Variants in USP9Y observed in about 807,000 individuals in gnomAD.
USP9Y encodes ubiquitin carboxyl-terminal hydrolase 9Y.
USP9Y carries 41 observed loss-of-function variants against 53.1 expected under a neutral mutation model. The ratio of observed to expected loss-of-function variants is 0.77; its 90% CI spans 0.60 to 1.00. USP9Y has a LOEUF of 1.00. Ranked by LOEUF, USP9Y falls within the 50% of genes least tolerant of loss-of-function variation. USP9Y has a pLI of 0.00. For missense variants in USP9Y, 567 were observed against 535.8 expected (o/e 1.06, Z -0.58); for synonymous variants, 220 against 173.7 (o/e 1.27, Z -2.09).
At chrY:12,828,351 A>G (rs1000027311) in intron 33 of USP9Y, among the ~76,000 whole-genome samples, 7 of 34,026 alleles carry the variant, frequency 2.1e-4, no homozygotes, top group African/African-American at 6.8e-4. Flanking sequence ...TGTTAAAGAC[A>G]ATACCTGATG....
intron 22 of USP9Y, among the ~76,000 whole-genome samples, chrY:12,784,866 G>A (rs2053500426): frequency 3.0e-5 from 1 of 33,166 alleles, no homozygotes; most frequent in Non-Finnish European, 7.5e-5. Flanking sequence ...AACCACAGAA[G>A]AATTTATCAA....
chrY:12,854,556 C>G, intron 42 of USP9Y, among the ~76,000 whole-genome samples: 1 of 33,273 alleles, frequency 3.0e-5, no homozygotes, highest in African/African-American at 1.2e-4. Flanking sequence ...GTGCATGCCA[C>G]CACGCCCAGC....
rs369255095 is a variant in USP9Y at position 12,705,761 on chromosome Y, A to G, written c.-120-2873A>G. Among the ~76,000 whole-genome samples, 4 of 33,174 alleles carry G rather than the reference A, an allele frequency of 1.2e-4. No individual in the cohort carries two copies. In the East Asian group the frequency reaches 2.3e-3, roughly 19 times the overall value. 89.0% of individuals were successfully genotyped at this position (33,174 alleles called of 37,273 possible). ...CTGCTCTCATGTGGTTATTATATGC[A>G]TGAAATATCCTTCTCCATTTTTTCA... On this transcript the variant is annotated intron_variant, in intron 1 of 45. Transcript: ENST00000338981.
chrY:12,844,645 G>A (rs938942667), intron 39 of USP9Y, among the ~76,000 whole-genome samples: 2 of 33,270 alleles, frequency 6.0e-5, no homozygotes, highest in African/African-American at 1.2e-4. Flanking sequence ...GATATTGGCT[G>A]CTCATATACA....
intron 45 of USP9Y, among the ~76,000 whole-genome samples, chrY:12,858,077 A>G: frequency 2.9e-5 from 1 of 34,059 alleles, no homozygotes; most frequent in Non-Finnish European, 7.3e-5. Flanking sequence ...ACTGGCTTTA[A>G]TAGATGGTTA....
chrY:12,765,622 G>A, intron 15 of USP9Y, among the ~76,000 whole-genome samples: 2 of 32,603 alleles, frequency 6.1e-5, no homozygotes, highest in African/African-American at 1.2e-4. Flanking sequence ...GAGCTCTCTA[G>A]GTTGAGTGGT....
intron 3 of USP9Y, among the ~76,000 whole-genome samples, chrY:12,710,946 G>A: frequency 3.0e-5 from 1 of 33,275 alleles, no homozygotes; most frequent in Non-Finnish European, 7.4e-5. Flanking sequence ...TTTTGTGGAA[G>A]ACAATTTTTC....
chrY:12,796,279 T>C (rs911464023), intron 27 of USP9Y, among the ~76,000 whole-genome samples: 1 of 32,956 alleles, frequency 3.0e-5, no homozygotes, highest in African/African-American at 1.2e-4. Context: ...AGTAGAGGAA[T>C]AGGCCGGGCA....
At chrY:12,752,261 C>A (rs1027992400) in intron 12 of USP9Y, among the ~76,000 whole-genome samples, 5 of 32,469 alleles carry the variant, frequency 1.5e-4, no homozygotes, top group Non-Finnish European at 3.0e-4. Flanking sequence ...TTGATTCAGA[C>A]CTTTGAATTA....
chrY:12,707,357 TC>T (rs2053420251), intron 1 of USP9Y, among the ~76,000 whole-genome samples: 1 of 33,590 alleles, frequency 3.0e-5, no homozygotes, highest in Non-Finnish European at 7.4e-5. Context: ...CATCTGGTGA[TC>T]CGCCCGCCTC....
At chrY:12,828,943 A>C in intron 33 of USP9Y, among the ~76,000 whole-genome samples, 1 of 33,235 alleles carries the variant, frequency 3.0e-5, no homozygotes, top group Non-Finnish European at 7.4e-5. Flanking sequence ...CACTGAAAAA[A>C]AACTGCAGAG....
At chrY:12,757,071 T>G in intron 12 of USP9Y, 121 bp from the exon 13 acceptor site, 2 of 211,665 alleles carry the variant, frequency 9.4e-6, no homozygotes, top group Admixed American at 9.1e-5. Flanking sequence ...TGTGTGTGTG[T>G]GCGCACACGC....
At chrY:12,786,155 A>T (rs1018968615) in intron 22 of USP9Y, 48 bp from the exon 23 acceptor site, 1 of 383,008 alleles carries the variant, frequency 2.6e-6, no homozygotes, top group Non-Finnish European at 3.7e-6. Context: ...AAACATTAAT[A>T]ACACGTGAGT....
intron 3 of USP9Y, among the ~76,000 whole-genome samples, chrY:12,714,373 A>T (rs2053428735): frequency 3.2e-5 from 1 of 31,285 alleles, no homozygotes; most frequent in Non-Finnish European, 7.7e-5. Context: ...TACATTAACT[A>T]CCTTCTCATG....
chrY:12,752,128 G>C (rs1038101249), intron 12 of USP9Y, among the ~76,000 whole-genome samples: 6 of 32,493 alleles, frequency 1.8e-4, no homozygotes, highest in African/African-American at 7.2e-4. Context: ...CTTCATTTTA[G>C]ATATCTGCTT....
At chrY:12,837,811 C>T (rs1603203208) in intron 34 of USP9Y, 100 bp from the exon 35 acceptor site, 14 of 176,527 alleles carry the variant, frequency 7.9e-5, no homozygotes, top group East Asian at 1.2e-4. Flanking sequence ...TGCCACTGCA[C>T]GCCAGCCTGA....
chrY:12,763,047 G>A, intron 15 of USP9Y, among the ~76,000 whole-genome samples: 1 of 33,326 alleles, frequency 3.0e-5, no homozygotes, highest in Admixed American at 2.8e-4. Context: ...GATGTAATAT[G>A]CAAATAGATT....
At chrY:12,838,610 A>G in intron 35 of USP9Y, among the ~76,000 whole-genome samples, 2 of 32,655 alleles carry the variant, frequency 6.1e-5, no homozygotes, top group African/African-American at 2.4e-4. Flanking sequence ...CCTCCCAACT[A>G]GCTGAGATTA....
chrY:12,744,624 G>A, intron 12 of USP9Y, among the ~76,000 whole-genome samples: 1 of 33,738 alleles, frequency 3.0e-5, no homozygotes, highest in African/African-American at 1.2e-4. Flanking sequence ...TCCAGGAGAT[G>A]GTTTAAGGCA....
Sources: gnomAD v4.1 joint callset for allele counts (sites outside exome capture counted in the v4.1 genomes callset) on GRCh38, gnomAD v4.1.1 for gene constraint, MANE v1.5 for transcripts, NCBI Gene and HGNC (gene_info 2026-07-23, HGNC 2026-07-21) for gene names.